Variants in RBM27 observed in about 807,000 individuals in gnomAD.
The protein encoded by RBM27 is RNA binding motif protein 27.
Under a neutral mutation model 135.3 loss-of-function variants are expected in RBM27, and 22 were observed. The ratio of observed to expected loss-of-function variants is 0.16; its 90% confidence interval spans 0.12 to 0.23. The LOEUF is 0.23. Among genes scored for constraint, RBM27 ranks in the 10% least tolerant of loss-of-function variants. The pLI, the probability that RBM27 is intolerant of heterozygous loss-of-function variation, is 1.00. For synonymous variants in RBM27, 481 were observed against 442.4 expected (o/e 1.09, Z -1.10); for missense variants, 1,009 against 1,281.0 (o/e 0.79, Z 3.24).
chr5:146,209,632 G>T (rs1413133225), intron 1 of RBM27, among the ~76,000 whole-genome samples: 1 of 152,126 alleles, frequency 6.6e-6, no homozygotes, highest in Non-Finnish European at 1.5e-5. Context: ...TTGCCCAAAT[G>T]GGAGGAAAAA....
chr5:146,286,073 A>T lies in RBM27; in HGVS notation c.*43A>T. The T allele has an allele frequency of 6.6e-7, 1 of 1,523,876 alleles. No homozygotes were observed. Among genetic ancestry groups the T allele is most frequent in the Non-Finnish European group, 8.9e-7 (1 of 1,128,608 alleles). The allele number at this position is 1,523,876 out of a possible 1,614,324, so 94.4% of individuals were successfully genotyped here. A position where few individuals can be genotyped will look rare whatever the true frequency, so the allele number is the denominator to read the frequency against. On this transcript the variant is annotated 3_prime_UTR_variant, in exon 21 of 21. Coordinates refer to ENST00000265271, the MANE Select transcript of RBM27 (RefSeq NM_018989.2). ...ATAATTTTTAGGAATATTGTTTAGAAGAACAACTTTTAAAAATTATTTAAA... is the reference window on the plus strand; with the variant it reads ...ATAATTTTTAGGAATATTGTTTAGATGAACAACTTTTAAAAATTATTTAAA...
intron 19 of RBM27, among the ~76,000 whole-genome samples, chr5:146,278,144 T>C (rs180804509): frequency 1.3e-5 from 2 of 152,308 alleles, no homozygotes; most frequent in Admixed American, 1.3e-4. Context: ...CACTTGAATT[T>C]TGTTTTTTTA....
chr5:146,223,915 G>T (rs547963523), intron 3 of RBM27, among the ~76,000 whole-genome samples: 2 of 152,216 alleles, frequency 1.3e-5, no homozygotes, highest in East Asian at 1.9e-4. Flanking sequence ...TGATTATATA[G>T]AGTTTTAAAA....
chr5:146,254,816 T>G, intron 9 of RBM27, 127 bp from the exon 10 acceptor site: 2 of 799,832 alleles, frequency 2.5e-6, no homozygotes, highest in Non-Finnish European at 3.7e-6. Context: ...TACTGAGAGG[T>G]GACTGTAGGT....
At chr5:146,220,989 G>T (rs1221429471) in intron 2 of RBM27, among the ~76,000 whole-genome samples, 1 of 151,900 alleles carries the variant, frequency 6.6e-6, no homozygotes, top group Non-Finnish European at 1.5e-5. Flanking sequence ...AGGCCGAGGC[G>T]GGTGGATCAT....
chr5:146,284,149 TA>T (rs1416507394), intron 19 of RBM27, among the ~76,000 whole-genome samples: 1 of 152,188 alleles, frequency 6.6e-6, no homozygotes. Context: ...CTTATTAGTG[TA>T]TAGCGTTTCA....
rs757028065 is a variant in RBM27, at chr5:146,269,284, A to G, written c.2526+3A>G. On this transcript the variant is annotated splice_donor_region_variant and intron_variant, in intron 16 of 20. Coordinates refer to ENST00000265271, the MANE Select transcript of RBM27 (RefSeq NM_018989.2). ...AAAAGCAAATAGAATGCCAAAAGGT[A>G]AGACAAGAGCTCATTATTTGCATGC... is the stretch of plus-strand genomic sequence containing the variant. 6 of 1,599,600 alleles carry G rather than the reference A, an allele frequency of 3.8e-6. No homozygotes were observed. The East Asian group carries it at 9.0e-5, about 24-fold the overall frequency.
chr5:146,252,981 T>TTTTA (rs777045188), intron 9 of RBM27, among the ~76,000 whole-genome samples: 20 of 152,132 alleles, frequency 1.3e-4, no homozygotes, highest in East Asian at 5.8e-4. Flanking sequence ...AATTATTTGT[T>TTTTA]TTTATTTATT....
chr5:146,237,553 A>G, intron 8 of RBM27, 121 bp downstream of exon 8: 1 of 1,172,752 alleles, frequency 8.5e-7, no homozygotes, highest in Middle Eastern at 2.0e-4. Flanking sequence ...TAAAAATTGT[A>G]TTTGTGTTTA....
chr5:146,264,653 C>CT (rs1758539954), intron 14 of RBM27, among the ~76,000 whole-genome samples: 1 of 76,092 alleles, frequency 1.3e-5, no homozygotes, highest in East Asian at 3.1e-4. Context: ...ACAAAGAGAG[C>CT]TAAAAAAAAA....
Position 146,203,626 on chromosome 5 carries a change from G to T in RBM27, c.-140G>T, listed in dbSNP as rs1004928726. ...GGTTAGTTCCTGTTAGGCCCCGGCCGGGGGAGTAGGTTGAAGTCTCCTAAG... is the reference window on the plus strand; with the variant it reads ...GGTTAGTTCCTGTTAGGCCCCGGCCTGGGGAGTAGGTTGAAGTCTCCTAAG... On this transcript the variant is annotated 5_prime_UTR_variant, in exon 1 of 21. Coordinates refer to ENST00000265271, the MANE Select transcript of RBM27 (RefSeq NM_018989.2). The T allele has an allele frequency of 1.4e-6, 1 of 732,964 alleles. No homozygotes were observed. The highest frequency in any genetic ancestry group is 2.3e-6 in the Non-Finnish European group (1 of 436,628). 45.4% of individuals were successfully genotyped at this position (732,964 alleles called of 1,614,324 possible).
intron 2 of RBM27, among the ~76,000 whole-genome samples, chr5:146,221,985 TGTTTAATA>T (rs1296042955): frequency 6.6e-6 from 1 of 152,170 alleles, no homozygotes; most frequent in Non-Finnish European, 1.5e-5. Context: ...CAGAGAATAT[TGTTTAATA>T]GTAGATGTTT....
chr5:146,213,318 T>A (rs540239302), intron 1 of RBM27, among the ~76,000 whole-genome samples: 1 of 152,274 alleles, frequency 6.6e-6, no homozygotes, highest in African/African-American at 2.4e-5. Context: ...GTCAGGCTGG[T>A]CTCAAACTCC....
chr5:146,233,559 T>C lies in RBM27; in HGVS notation c.960T>C (p.Pro320=). The change falls in exon 7 of 21, where the codon CCT becomes CCC. Residue 320 remains proline (P), a synonymous_variant. Transcript: ENST00000265271. ...LPSMIPFPPP[P]PGLPPPPPPG... ...GTATGATTCCTTTCCCACCCCCTCC[T>C]CCTGGGCTTCCTCCTCCACCACCTC... 6.2e-7 allele frequency: 1 copy of C among 1,611,128 alleles called. No individual in the cohort carries two copies. The highest frequency in any genetic ancestry group is 8.5e-7 in the Non-Finnish European group (1 of 1,178,126).
rs533909478 is a variant in RBM27, at chr5:146,212,015, A to G, written c.60-6970A>G. 4.6e-5 allele frequency among the ~76,000 whole-genome samples: 7 copies of G among 151,880 alleles called. No individual in the cohort carries two copies. In the East Asian group the frequency reaches 1.4e-3, roughly 29 times the overall value. On this transcript the variant is annotated intron_variant, in intron 1 of 20. Coordinates refer to ENST00000265271, the MANE Select transcript of RBM27 (RefSeq NM_018989.2). Reference sequence around the variant, plus strand: ...CATCAGAAGCATTTTTCACATTTATATATTGCTTTTATAACCATCACTTTG... The same window carrying G: ...CATCAGAAGCATTTTTCACATTTATGTATTGCTTTTATAACCATCACTTTG...
chr5:146,270,811 C>CT, intron 17 of RBM27, 143 bp from the exon 18 acceptor site: 4 of 522,564 alleles, frequency 7.7e-6, no homozygotes, highest in South Asian at 7.1e-5. Flanking sequence ...TGTAAAGTTA[C>CT]TTTTTTAAAA....
intron 9 of RBM27, among the ~76,000 whole-genome samples, chr5:146,254,563 A>T (rs575203883): frequency 6.6e-5 from 10 of 152,090 alleles, no homozygotes; most frequent in Middle Eastern, 3.4e-3. Context: ...CAGGAAAAAA[A>T]TAAAAATAAA....
At chr5:146,209,246 T>C (rs977523520) in intron 1 of RBM27, among the ~76,000 whole-genome samples, 1 of 152,184 alleles carries the variant, frequency 6.6e-6, no homozygotes, top group African/African-American at 2.4e-5. Context: ...CAAAAGTATT[T>C]TGCTTATTAA....
chr5:146,277,517 A>ATTTTTTTTT (rs371321141), intron 19 of RBM27, among the ~76,000 whole-genome samples: 1 of 125,518 alleles, frequency 8.0e-6, no homozygotes, highest in African/African-American at 3.1e-5. Flanking sequence ...TACTGGGATA[A>ATTTTTTTTT]TTTTTTTTTT....
Sources: gnomAD v4.1 joint callset for allele counts (sites outside exome capture counted in the v4.1 genomes callset) on GRCh38, gnomAD v4.1.1 for gene constraint, MANE v1.5 for transcripts, NCBI Gene and HGNC (gene_info 2026-07-23, HGNC 2026-07-21) for gene names.